Variants in NFATC1 observed in about 807,000 individuals in gnomAD.
NFATC1 encodes nuclear factor of activated T cells 1.
NFATC1 carries 22 observed loss-of-function variants against 76.0 expected under a neutral mutation model. The ratio of observed to expected loss-of-function variants is 0.29; its 90% CI spans 0.21 to 0.41. NFATC1 has a LOEUF of 0.41. Among genes scored for constraint, NFATC1 ranks in the 10% least tolerant of loss-of-function variants. NFATC1 has a pLI of 1.00. For synonymous variants in NFATC1, 704 were observed against 613.1 expected (o/e 1.15, Z -2.19); for missense variants, 1,357 against 1,337.7 (o/e 1.01, Z -0.23).
intron 9 of NFATC1, among the ~76,000 whole-genome samples, chr18:79,509,716 A>G (rs58345202): frequency 0.093 from 14,124 of 152,276 alleles, 2,136 homozygotes; most frequent in African/African-American, 0.32. Context: ...CTGAACACCC[A>G]TGACACCTGA....
At chr18:79,449,606 T>G (rs1341592294) in intron 4 of NFATC1, among the ~76,000 whole-genome samples, 1 of 152,174 alleles carries the variant, frequency 6.6e-6, no homozygotes, top group African/African-American at 2.4e-5. Context: ...CAGACACATC[T>G]GTGGGTGAAT....
At chr18:79,526,346 G>A (rs1250510371) in intron 9 of NFATC1, among the ~76,000 whole-genome samples, 2 of 152,276 alleles carry the variant, frequency 1.3e-5, no homozygotes, top group East Asian at 3.8e-4. Context: ...GCGTCCTGTG[G>A]CTGAGTGCCA....
intron 1 of NFATC1, among the ~76,000 whole-genome samples, chr18:79,403,905 G>A (rs1362990013): frequency 6.6e-6 from 1 of 152,216 alleles, no homozygotes; most frequent in Non-Finnish European, 1.5e-5. Flanking sequence ...TCCCAGGGGA[G>A]AGCTGAATTA....
At chr18:79,492,442 G>T (rs940839546) in intron 9 of NFATC1, among the ~76,000 whole-genome samples, 6 of 151,934 alleles carry the variant, frequency 3.9e-5, no homozygotes, top group African/African-American at 1.5e-4. Context: ...GGGTGCAGTG[G>T]CTCAGGCCTG....
intron 3 of NFATC1, among the ~76,000 whole-genome samples, chr18:79,441,176 A>G (rs2086961339): frequency 6.6e-6 from 1 of 152,174 alleles, no homozygotes; most frequent in Non-Finnish European, 1.5e-5. Context: ...GGGAAATAGA[A>G]GGTTTCACCC....
Position 79,524,666 on chromosome 18 carries a change from G to T in NFATC1, c.2783-2862G>T, listed in dbSNP as rs1048165160. Among the ~76,000 whole-genome samples, 2 of 152,034 alleles carry T rather than the reference G, an allele frequency of 1.3e-5. No individual in the cohort carries two copies. The highest frequency in any genetic ancestry group is 4.8e-5 in the African/African-American group (2 of 41,384). ...TTGAGGTCGGCCCTCCTCCCCTCCC[G>T]AGAGCTCAGCAGCCGCAGACCCAGG... On this transcript the variant is annotated intron_variant, in intron 9 of 9. Coordinates refer to ENST00000427363, the MANE Select transcript of NFATC1 (RefSeq NM_001278669.2). This position sits in a 1 kb window ranked among gnomAD's most constrained non-coding sequence, Gnocchi z 7.2.
At position 79,396,192 on chromosome 18, in the gene NFATC1, C is replaced by CCCGCCGCTCCACTCCCCG; in HGVS notation, c.-25_-8dup. On this transcript the variant is annotated 5_prime_UTR_variant, in exon 1 of 10. Coordinates refer to ENST00000427363, the MANE Select transcript of NFATC1 (RefSeq NM_001278669.2). The stretch of plus-strand genomic sequence containing the variant: ...GGCGGCCGCTTCTCCTGTGCCTCCG[C>CCCGCCGCTCCACTCCCCG]CCGCCGCTCCACTCCCCGCCGCCGC... 1 of 1,449,050 alleles carries CCCGCCGCTCCACTCCCCG rather than the reference C, an allele frequency of 6.9e-7. No homozygotes were observed. Among genetic ancestry groups the CCCGCCGCTCCACTCCCCG allele is most frequent in the Non-Finnish European group, 9.2e-7 (1 of 1,090,070 alleles). The allele number at this position is 1,449,050 out of a possible 1,614,324, so 89.8% of individuals were successfully genotyped here. A position where few individuals can be genotyped will look rare whatever the true frequency, so the allele number is the denominator to read the frequency against.
chr18:79,513,445 C>G (rs2145183261), intron 9 of NFATC1, among the ~76,000 whole-genome samples: 1 of 152,386 alleles, frequency 6.6e-6, no homozygotes, highest in South Asian at 2.1e-4. Flanking sequence ...TCCCCCGAGG[C>G]TTCTGAGGAC....
intron 1 of NFATC1, among the ~76,000 whole-genome samples, chr18:79,398,282 C>G (rs1477860889): frequency 1.3e-5 from 2 of 152,090 alleles, no homozygotes; most frequent in African/African-American, 2.4e-5. Context: ...TGGGGCCAAA[C>G]AAAGCTCACC....
intron 1 of NFATC1, among the ~76,000 whole-genome samples, chr18:79,406,323 G>A (rs2148162077): frequency 6.6e-6 from 1 of 152,312 alleles, no homozygotes; most frequent in East Asian, 1.9e-4. Context: ...CCCCTTTGAG[G>A]TCTGGACAGT....
intron 6 of NFATC1, among the ~76,000 whole-genome samples, chr18:79,452,442 C>T (rs2087516304): frequency 6.6e-6 from 1 of 152,184 alleles, no homozygotes; most frequent in African/African-American, 2.4e-5. Context: ...TGATGTTCCT[C>T]CTGGGGCCGT....
chr18:79,483,941 TTCCTGGGGTGTCACTCCAGGGTGACCTGG>T (rs2089417906), intron 8 of NFATC1, among the ~76,000 whole-genome samples: 4 of 141,228 alleles, frequency 2.8e-5, no homozygotes, highest in Non-Finnish European at 4.6e-5. Flanking sequence ...CGTGACCTGG[TTCCTGGGGTGTCACTCCAGGGTGACCTGG>T]TCCTGAGGTG....
intron 1 of NFATC1, among the ~76,000 whole-genome samples, chr18:79,406,833 C>A (rs2085457944): frequency 6.6e-6 from 1 of 152,172 alleles, no homozygotes; most frequent in Non-Finnish European, 1.5e-5. Flanking sequence ...TCCCCCGAGA[C>A]CCCCAGCCGC....
chr18:79,401,005 G>A (rs1255170116), intron 1 of NFATC1, among the ~76,000 whole-genome samples: 2 of 74,942 alleles, frequency 2.7e-5, no homozygotes, highest in Non-Finnish European at 4.9e-5. Flanking sequence ...CAAGCCTCCA[G>A]CTTTCAAGTT....
intron 1 of NFATC1, among the ~76,000 whole-genome samples, chr18:79,400,818 TCCCC>T: frequency 2.3e-4 from 1 of 4,292 alleles, no homozygotes; most frequent in African/African-American, 1.2e-3. Flanking sequence ...CCTCCCGACC[TCCCC>T]GACCCCCCGA....
intron 8 of NFATC1, among the ~76,000 whole-genome samples, chr18:79,482,283 C>A (rs1339753513): frequency 1.5e-5 from 2 of 131,732 alleles, no homozygotes; most frequent in South Asian, 2.4e-4. Flanking sequence ...TCCAGTGTGA[C>A]CTGGTTCCTG....
Position 79,467,488 on chromosome 18 carries a change from G to C in NFATC1, c.1998G>C (p.Gln666His), listed in dbSNP as rs2088571376. Residue 666 changes from glutamine (Q) to histidine (H), a missense_variant, in exon 8 of 10, where the codon CAG becomes CAC. By Grantham distance (24) the Gln-to-His change is conservative. Transcript: ENST00000427363. ...TTGAGATCCCGCCATTTCGGAATCA[G>C]AGGATAACCAGCCCCGTTCACGTCA... Reference protein sequence around the residue: ...LVVEIPPFRNQRITSPVHVSF... With the variant: ...LVVEIPPFRNHRITSPVHVSF... The C allele has an allele frequency of 3.7e-6, 6 of 1,611,492 alleles. No homozygotes were observed. The highest frequency in any genetic ancestry group is 5.1e-6 in the Non-Finnish European group (6 of 1,178,210).
rs191578052 is a variant in NFATC1 at position 79,435,529 on chromosome 18, T to C, written c.1386+1791T>C. Among the ~76,000 whole-genome samples, 33 of 152,228 alleles carry C rather than the reference T, an allele frequency of 2.2e-4. No homozygotes were observed. The Middle Eastern group carries it at 0.01, about 47-fold the overall frequency. Reference sequence around the variant, plus strand: ...TTTAATGGATGTATTTTCACCTGCCTGTGAGTAGCGCCGGTGCCTGGTGCC... The same window carrying C: ...TTTAATGGATGTATTTTCACCTGCCCGTGAGTAGCGCCGGTGCCTGGTGCC... On this transcript the variant is annotated intron_variant, in intron 3 of 9. Coordinates refer to ENST00000427363, the MANE Select transcript of NFATC1 (RefSeq NM_001278669.2).
chr18:79,424,617 CTCTGTCTCTCCG>C (rs1180532799), intron 2 of NFATC1, among the ~76,000 whole-genome samples: 1 of 151,746 alleles, frequency 6.6e-6, no homozygotes, highest in African/African-American at 2.4e-5. Flanking sequence ...CCGTCTGTCT[CTCTGTCTCTCCG>C]TCTGTCTCTC....
Sources: gnomAD v4.1 joint callset for allele counts (sites outside exome capture counted in the v4.1 genomes callset) on GRCh38, gnomAD v4.1.1 for gene constraint, Gnocchi (gnomAD v3.1) non-coding constraint, MANE v1.5 for transcripts, NCBI Gene and HGNC (gene_info 2026-07-23, HGNC 2026-07-21) for gene names.